SENP1: variants seen among roughly 807,000 people sequenced by gnomAD.
The protein encoded by SENP1 is SUMO specific peptidase 1.
In SENP1, 21 loss-of-function variants were observed where a neutral mutation model predicts 93.0. That is an observed-to-expected ratio of 0.23 (90% CI 0.16 to 0.33). SENP1 has a LOEUF of 0.33. SENP1 is among the 10% of genes least tolerant of loss of function. The pLI is 1.00. For missense variants in SENP1, 591 were observed against 758.7 expected (o/e 0.78, Z 2.60); for synonymous variants, 256 against 259.6 (o/e 0.99, Z 0.13).
chr12:48,046,288 GA>G, intron 17 of SENP1, 67 bp downstream of exon 17: 1 of 1,092,108 alleles, frequency 9.2e-7, no homozygotes, highest in Non-Finnish European at 1.4e-6. Flanking sequence ...CAACTGGAGA[GA>G]AAAACATCTA....
At chr12:48,099,709 G>C (rs1451343980) in intron 2 of SENP1, among the ~76,000 whole-genome samples, 5 of 152,234 alleles carry the variant, frequency 3.3e-5, no homozygotes, top group African/African-American at 1.2e-4. Flanking sequence ...CTACTTGGAG[G>C]CTGAAGCATG....
chr12:48,065,124 T>C lies in SENP1; in HGVS notation c.1216A>G (p.Thr406Ala). ...KEIPVTVVQE[T>A]QKKGHKLTDS... ...GTTAATTTATGACCTTTTTTTTGTG[T>C]TTCTTGGACAACAGTAACAGGAATC... The change falls in exon 12 of 18, where the codon ACA (threonine) becomes GCA (alanine). Residue 406 changes from threonine (T) to alanine (A), a missense_variant. Thr to Ala is a moderately conservative substitution (Grantham distance 58). Transcript: ENST00000549518. The C allele has an allele frequency of 6.2e-7, 1 of 1,609,934 alleles. No homozygotes were observed. Among genetic ancestry groups the C allele is most frequent in the South Asian group, 1.1e-5 (1 of 90,982 alleles).
chr12:48,053,740 T>C (rs895578479), intron 13 of SENP1, among the ~76,000 whole-genome samples: 5 of 152,198 alleles, frequency 3.3e-5, no homozygotes, highest in Non-Finnish European at 7.3e-5. Context: ...GTAGTTTCAG[T>C]GTAATTACAG....
intron 13 of SENP1, among the ~76,000 whole-genome samples, chr12:48,053,754 G>T (rs1942000175): frequency 6.6e-6 from 1 of 152,162 alleles, no homozygotes; most frequent in Non-Finnish European, 1.5e-5. Context: ...ATTACAGTCT[G>T]CTATGTAGAT....
At chr12:48,093,940 C>A (rs954501051) in intron 4 of SENP1, among the ~76,000 whole-genome samples, 1 of 151,786 alleles carries the variant, frequency 6.6e-6, no homozygotes, top group African/African-American at 2.4e-5. Flanking sequence ...CCAGCCTGGG[C>A]AACAGAGTGA....
chr12:48,080,584 C>T (rs1254857868), intron 6 of SENP1: 4 of 152,236 alleles, frequency 2.6e-5, no homozygotes, highest in Admixed American at 1.3e-4. Flanking sequence ...AGGATCCCAA[C>T]GTTTCACGGA....
At chr12:48,104,220 G>GAAA (rs772256640) in intron 1 of SENP1, among the ~76,000 whole-genome samples, 102 of 101,082 alleles carry the variant, frequency 1.0e-3, no homozygotes, top group East Asian at 4.5e-3. Flanking sequence ...AAAAAAAGAA[G>GAAA]AAAAAAATAT....
intron 8 of SENP1, among the ~76,000 whole-genome samples, chr12:48,073,440 A>C (rs1020150502): frequency 6.6e-6 from 1 of 152,050 alleles, no homozygotes; most frequent in African/African-American, 2.4e-5. Context: ...ACCTCAAACA[A>C]CCTGAGAAAG....
At chr12:48,057,592 TTATTTTATA>T (rs59827498) in intron 13 of SENP1, among the ~76,000 whole-genome samples, 75,786 of 145,358 alleles carry the variant, frequency 0.52, 19,984 homozygotes, top group East Asian at 0.83. Context: ...TACCTATATA[TTATTTTATA>T]TATTTTATAT....
At chr12:48,078,317 T>TTATATATAAATATATATATATATATA (rs1944245341) in intron 6 of SENP1, among the ~76,000 whole-genome samples, 1 of 70,742 alleles carries the variant, frequency 1.4e-5, no homozygotes, top group Non-Finnish European at 2.8e-5. Context: ...CTGTAGGATT[T>TTATATATAAATATATATATATATATA]TATATATATA....
At chr12:48,081,798 T>G (rs994712840) in intron 6 of SENP1, among the ~76,000 whole-genome samples, 1 of 152,060 alleles carries the variant, frequency 6.6e-6, no homozygotes, top group African/African-American at 2.4e-5. Context: ...ACTCCTGGCC[T>G]CAAGCAATCC....
intron 4 of SENP1, 37 bp from the exon 5 acceptor site, chr12:48,088,997 C>A: frequency 6.3e-7 from 1 of 1,579,056 alleles, no homozygotes; most frequent in South Asian, 1.1e-5. Flanking sequence ...TAAACAAATT[C>A]TACAGGTGGT....
intron 2 of SENP1, among the ~76,000 whole-genome samples, chr12:48,100,751 C>T (rs1945870061): frequency 6.6e-6 from 1 of 152,072 alleles, no homozygotes; most frequent in African/African-American, 2.4e-5. Context: ...AGGCGAGCTT[C>T]TTAACTTCTG....
At chr12:48,060,611 G>C (rs1298108203) in intron 13 of SENP1, among the ~76,000 whole-genome samples, 1 of 152,018 alleles carries the variant, frequency 6.6e-6, no homozygotes, top group Non-Finnish European at 1.5e-5. Flanking sequence ...TCAGAGTCTT[G>C]TTCTGTCACT....
intron 4 of SENP1, 31 bp downstream of exon 4, chr12:48,096,312 A>C (rs1449814214): frequency 7.7e-7 from 1 of 1,300,342 alleles, no homozygotes; most frequent in Middle Eastern, 1.8e-4. Flanking sequence ...AAAAGGTATA[A>C]AGTCCCTTGA....
At chr12:48,057,842 C>T (rs987409585) in intron 13 of SENP1, among the ~76,000 whole-genome samples, 1 of 150,842 alleles carries the variant, frequency 6.6e-6, no homozygotes, top group Non-Finnish European at 1.5e-5. Context: ...AGTGATGCAC[C>T]CACCTTGGCC....
intron 11 of SENP1, among the ~76,000 whole-genome samples, 164 bp downstream of exon 11, chr12:48,065,432 C>G (rs1170792490): frequency 6.6e-6 from 1 of 152,208 alleles, no homozygotes; most frequent in African/African-American, 2.4e-5. Flanking sequence ...ATGAGTAGCA[C>G]TGACTGGACA....
intron 17 of SENP1, 137 bp from the exon 18 acceptor site, chr12:48,045,521 C>T (rs1176862288): frequency 4.5e-6 from 3 of 672,496 alleles, no homozygotes; most frequent in South Asian, 2.0e-5. Flanking sequence ...ATTATTCATT[C>T]TTGGTTACAT....
intron 2 of SENP1, among the ~76,000 whole-genome samples, chr12:48,099,657 T>C (rs1945790258): frequency 6.6e-6 from 1 of 151,976 alleles, no homozygotes; most frequent in Admixed American, 6.6e-5. Context: ...CCATCTCTAC[T>C]AAAAATACAC....
Sources: gnomAD v4.1 joint callset for allele counts (sites outside exome capture counted in the v4.1 genomes callset) on GRCh38, gnomAD v4.1.1 for gene constraint, MANE v1.5 for transcripts, NCBI Gene and HGNC (gene_info 2026-07-23, HGNC 2026-07-21) for gene names.